KCTD8: variants seen among roughly 807,000 people sequenced by gnomAD.
KCTD8 encodes potassium channel tetramerization domain containing 8.
A neutral mutation model predicts 31.5 loss-of-function variants in KCTD8; 27 were observed. The observed-to-expected ratio is 0.86, with a 90% confidence interval of 0.63 to 1.18. The LOEUF is 1.18. Among genes scored for constraint, KCTD8 ranks in the 50% most tolerant of loss-of-function variants. The pLI is 0.00. For synonymous variants in KCTD8, 290 were observed against 280.0 expected (o/e 1.04, Z -0.36); for missense variants, 658 against 647.7 (o/e 1.02, Z -0.17).
In KCTD8 at chr4:44,413,877, A is replaced by T. The variant is rs115431204; in HGVS notation, c.961+33686T>A. Among the ~76,000 whole-genome samples, 676 of 152,286 alleles carry T rather than the reference A, an allele frequency of 4.4e-3. 9 individuals are homozygous for T. The highest frequency in any genetic ancestry group is 0.016 in the African/African-American group (656 of 41,566). On this transcript the variant is annotated intron_variant, in intron 1 of 1. Transcript: ENST00000360029. ...AAGTCTTTATAAACAAAAGAGAGGGACAGGAAAATCAGACACAGAAAGAAA... is the reference window on the plus strand; with the variant it reads ...AAGTCTTTATAAACAAAAGAGAGGGTCAGGAAAATCAGACACAGAAAGAAA...
In KCTD8 at chr4:44,447,728, T is replaced by C; in HGVS notation, c.796A>G (p.Thr266Ala). The change falls in exon 1 of 2, where the codon ACG becomes GCG. Residue 266 changes from threonine (T) to alanine (A), a missense_variant. Thr to Ala is a moderately conservative substitution (Grantham distance 58, BLOSUM62 0). Transcript: ENST00000360029. ...RDPDRQPEKY[T>A]SRFYLKFTYL... ...GTGAACTTGAGGTAGAAGCGGGACG[T>C]GTACTTCTCCGGCTGCCGGTCGGGG... 1 of 1,612,622 alleles carries C rather than the reference T, an allele frequency of 6.2e-7. No individual in the cohort carries two copies.
rs373520716 is a variant in KCTD8 at position 44,357,102 on chromosome 4, A to C, written c.961+90461T>G. Among the ~76,000 whole-genome samples, 723 of 142,370 alleles carry C rather than the reference A, an allele frequency of 5.1e-3. 7 individuals carry two copies. The highest frequency in any genetic ancestry group is 0.017 in the African/African-American group (680 of 39,280). The allele number at this position is 142,370 out of a possible 152,430, so 93.4% of individuals were successfully genotyped here. A position where few individuals can be genotyped will look rare whatever the true frequency, so the allele number is the denominator to read the frequency against. On this transcript the variant is annotated intron_variant, in intron 1 of 1. Transcript: ENST00000360029. ...AGGCATTTGAGGCAAAAAAAAAAAA[A>C]CCCTTCAAAACAAACATATAGTTAA...
chr4:44,259,261 TAA>T (rs1475300248), intron 1 of KCTD8, among the ~76,000 whole-genome samples: 1 of 149,340 alleles, frequency 6.7e-6, no homozygotes, highest in Non-Finnish European at 1.5e-5. Context: ...GCAAGTCAAA[TAA>T]AGAGTGTAAT....
intron 1 of KCTD8, among the ~76,000 whole-genome samples, chr4:44,256,051 G>A (rs764145371): frequency 1.3e-4 from 19 of 151,948 alleles, no homozygotes; most frequent in Non-Finnish European, 2.4e-4. Context: ...AAGCAAAGGC[G>A]CTTGTTACAT....
At chr4:44,266,871 C>T (rs28838350) in intron 1 of KCTD8, among the ~76,000 whole-genome samples, 2,836 of 151,760 alleles carry the variant, frequency 0.019, 85 homozygotes, top group African/African-American at 0.065. Flanking sequence ...GCACCCAATA[C>T]AGGAGCACCC....
chr4:44,182,539 G>A (rs570192511), intron 1 of KCTD8, among the ~76,000 whole-genome samples: 21 of 152,240 alleles, frequency 1.4e-4, no homozygotes, highest in Non-Finnish European at 2.9e-4. Flanking sequence ...AGGGTTAAAT[G>A]GATTAAGGGC....
At chr4:44,378,425 G>A (rs560691621) in intron 1 of KCTD8, among the ~76,000 whole-genome samples, 34 of 151,234 alleles carry the variant, frequency 2.2e-4, no homozygotes, top group Middle Eastern at 3.4e-3. Context: ...AAACCTGCAC[G>A]TTGTGCATAT....
intron 1 of KCTD8, among the ~76,000 whole-genome samples, chr4:44,340,086 T>C (rs1718855936): frequency 6.6e-6 from 1 of 151,656 alleles, no homozygotes; most frequent in Non-Finnish European, 1.5e-5. Context: ...ACTAAATATG[T>C]AAAAGGGTGT....
chr4:44,355,141 C>T (rs1328263123), intron 1 of KCTD8, among the ~76,000 whole-genome samples: 3 of 152,032 alleles, frequency 2.0e-5, no homozygotes, highest in Admixed American at 2.0e-4. Context: ...AAAACTGTCT[C>T]CAGATAATTA....
chr4:44,358,539 C>A (rs1296701833), intron 1 of KCTD8, among the ~76,000 whole-genome samples: 1 of 151,738 alleles, frequency 6.6e-6, no homozygotes, highest in Non-Finnish European at 1.5e-5. Flanking sequence ...TATTTCTCCA[C>A]ATCCTCTCCA....
At chr4:44,446,408 A>G (rs1236368354) in intron 1 of KCTD8, among the ~76,000 whole-genome samples, 1 of 152,034 alleles carries the variant, frequency 6.6e-6, no homozygotes, top group East Asian at 1.9e-4. Flanking sequence ...CAAAGGAAAA[A>G]CCTTTGCCAA....
At chr4:44,414,445 G>A (rs1406567007) in intron 1 of KCTD8, among the ~76,000 whole-genome samples, 1 of 152,120 alleles carries the variant, frequency 6.6e-6, no homozygotes, top group Non-Finnish European at 1.5e-5. Flanking sequence ...GAAGTGCTCT[G>A]GGTAGTGGGC....
chr4:44,270,747 C>A (rs780017922), intron 1 of KCTD8, among the ~76,000 whole-genome samples: 1 of 152,102 alleles, frequency 6.6e-6, no homozygotes, highest in East Asian at 1.9e-4. Flanking sequence ...CTTTACTTTA[C>A]GAAATGTATT....
At chr4:44,340,316 T>C (rs1718862884) in intron 1 of KCTD8, among the ~76,000 whole-genome samples, 1 of 151,940 alleles carries the variant, frequency 6.6e-6, no homozygotes. Context: ...TTGTTTTTTT[T>C]GAGACAGAGT....
rs142312104 is a variant in KCTD8, at chr4:44,405,598, G to C, written c.961+41965C>G. Reference sequence around the variant, plus strand: ...AGGTCTTTAGAATCACAGAAAACTAGAGAAAGGCATACCCAGATTTAATGT... The same window carrying C: ...AGGTCTTTAGAATCACAGAAAACTACAGAAAGGCATACCCAGATTTAATGT... On this transcript the variant is annotated intron_variant, in intron 1 of 1. Coordinates refer to ENST00000360029, the MANE Select transcript of KCTD8 (RefSeq NM_198353.3). 4.0e-3 allele frequency among the ~76,000 whole-genome samples: 615 copies of C among 152,082 alleles called. 4 individuals carry two copies. Among genetic ancestry groups the C allele is most frequent in the African/African-American group, 0.014 (585 of 41,508 alleles).
intron 1 of KCTD8, among the ~76,000 whole-genome samples, chr4:44,252,849 A>G (rs1308278536): frequency 1.3e-5 from 2 of 151,704 alleles, no homozygotes; most frequent in African/African-American, 2.4e-5. Flanking sequence ...CAGTCTCACA[A>G]ATTGAAAAGA....
intron 1 of KCTD8, 54 bp from the exon 2 acceptor site, chr4:44,175,304 G>T: frequency 9.1e-7 from 1 of 1,101,314 alleles, no homozygotes; most frequent in Non-Finnish European, 1.3e-6. Context: ...TAAGAAGTGT[G>T]AAGGTAAAAT....
intron 1 of KCTD8, among the ~76,000 whole-genome samples, chr4:44,398,542 A>T (rs973039027): frequency 6.6e-6 from 1 of 152,188 alleles, no homozygotes; most frequent in African/African-American, 2.4e-5. Context: ...GATGAAGGGG[A>T]TACTAGAAGG....
rs1410945299 is a variant in KCTD8 at position 44,260,479 on chromosome 4, TA to T, written c.962-85230del. ...CTTGATAAAAACATTGAAGAAAAAA[TA>T]AGTCAGAGTAAGGGAACAGAGTGGG... On this transcript the variant is annotated intron_variant, in intron 1 of 1. Coordinates refer to ENST00000360029, the MANE Select transcript of KCTD8 (RefSeq NM_198353.3). Among the ~76,000 whole-genome samples, 5 of 151,620 alleles carry T rather than the reference TA, an allele frequency of 3.3e-5. No individual in the cohort carries two copies. In the East Asian group the frequency reaches 9.7e-4, roughly 29 times the overall value.
Sources: allele counts gnomAD v4.1 joint callset (sites outside exome capture counted in the v4.1 genomes callset), GRCh38; gene constraint gnomAD v4.1.1; transcripts MANE v1.5; gene names NCBI Gene and HGNC (gene_info 2026-07-23, HGNC 2026-07-21).